GPM6A: variants seen among roughly 807,000 people sequenced by gnomAD.
The protein encoded by GPM6A is neuronal membrane glycoprotein M6-a.
In GPM6A, 7 loss-of-function variants were observed where a neutral mutation model predicts 32.1. The ratio of observed to expected loss-of-function variants is 0.22; its 90% CI spans 0.12 to 0.41. The LOEUF (loss-of-function observed/expected upper bound fraction) is 0.41. Among genes scored for constraint, GPM6A ranks in the 10% least tolerant of loss-of-function variants. GPM6A has a pLI of 1.00. For missense variants in GPM6A, 235 were observed against 347.2 expected (o/e 0.68, Z 2.57); for synonymous variants, 130 against 123.4 (o/e 1.05, Z -0.35).
intron 1 of GPM6A, among the ~76,000 whole-genome samples, chr4:175,804,387 G>A (rs927759139): frequency 6.6e-6 from 1 of 152,098 alleles, no homozygotes; most frequent in African/African-American, 2.4e-5. Context: ...GAACTGAAAT[G>A]GAAGACTACC....
chr4:175,645,674 T>C (rs1266649344), intron 4 of GPM6A, among the ~76,000 whole-genome samples: 1 of 152,086 alleles, frequency 6.6e-6, no homozygotes, highest in Non-Finnish European at 1.5e-5. Context: ...TGAACCGAGA[T>C]GGCGCCACTG....
At chr4:175,760,084 G>A (rs1203290674) in intron 1 of GPM6A, among the ~76,000 whole-genome samples, 2 of 152,122 alleles carry the variant, frequency 1.3e-5, no homozygotes, top group African/African-American at 4.8e-5. Flanking sequence ...GGAGGCTGAG[G>A]CAAGAGAATC....
upstream of GPM6A, chr4:175,812,299 G>GT: frequency 2.5e-6 from 2 of 790,964 alleles, no homozygotes; most frequent in East Asian, 4.3e-5. Context: ...GAAAAACTGG[G>GT]GGTTTTTTTT....
chr4:175,974,246 T>TAA (rs1554006267), intron 1 of GPM6A, among the ~76,000 whole-genome samples: 1 of 152,022 alleles, frequency 6.6e-6, no homozygotes, highest in African/African-American at 2.4e-5. Flanking sequence ...AATAAATAAA[T>TAA]AAATAAAAAT....
intron 1 of GPM6A, among the ~76,000 whole-genome samples, chr4:175,997,491 T>C (rs1214905865): frequency 2.6e-5 from 4 of 151,954 alleles, no homozygotes; most frequent in Non-Finnish European, 5.9e-5. Context: ...AGTTACTGGA[T>C]CAAGAGCTGA....
intron 1 of GPM6A, among the ~76,000 whole-genome samples, chr4:175,884,735 T>C (rs1214786401): frequency 6.6e-6 from 1 of 152,016 alleles, no homozygotes; most frequent in Non-Finnish European, 1.5e-5. Context: ...GGTTTCACCA[T>C]GTTGGTCAGG....
intron 1 of GPM6A, among the ~76,000 whole-genome samples, chr4:175,742,627 A>T (rs1731933324): frequency 6.6e-6 from 1 of 152,148 alleles, no homozygotes; most frequent in Admixed American, 6.6e-5. Flanking sequence ...GGTTTTTCAC[A>T]TTCAGTACAA....
intron 1 of GPM6A, among the ~76,000 whole-genome samples, chr4:175,893,237 A>T (rs1737699718): frequency 6.6e-6 from 1 of 152,182 alleles, no homozygotes. Context: ...GCTTTTATTA[A>T]GAACAACTTT....
intron 1 of GPM6A, among the ~76,000 whole-genome samples, chr4:175,854,951 C>T (rs956266390): frequency 3.9e-5 from 6 of 152,284 alleles, no homozygotes; most frequent in Non-Finnish European, 8.8e-5. Context: ...TAGAACATCT[C>T]ATAATTCTCA....
intron 1 of GPM6A, among the ~76,000 whole-genome samples, chr4:175,873,943 T>A (rs1169902346): frequency 6.6e-6 from 1 of 152,206 alleles, no homozygotes; most frequent in African/African-American, 2.4e-5. Context: ...CTGTAGTAAC[T>A]TATTAATTTA....
intron 1 of GPM6A, among the ~76,000 whole-genome samples, chr4:175,767,058 G>C (rs1374334421): frequency 6.6e-6 from 1 of 152,034 alleles, no homozygotes; most frequent in African/African-American, 2.4e-5. Flanking sequence ...GACATGAAAG[G>C]GTATGCAGTA....
intron 1 of GPM6A, among the ~76,000 whole-genome samples, chr4:175,769,974 C>G (rs577687865): frequency 2.0e-5 from 3 of 152,094 alleles, no homozygotes; most frequent in Non-Finnish European, 4.4e-5. Context: ...TATTTTTGCA[C>G]GTTTGACCTA....
chr4:175,736,789 G>T (rs962031541), intron 1 of GPM6A, among the ~76,000 whole-genome samples: 25 of 152,180 alleles, frequency 1.6e-4, no homozygotes, highest in African/African-American at 5.8e-4. Context: ...GCGTCACCAT[G>T]TTTTGGTCAC....
rs561479755 is a variant in GPM6A at position 175,693,945 on chromosome 4, G to A, written c.230+7630C>T. 5.3e-5 allele frequency among the ~76,000 whole-genome samples: 8 copies of A among 152,116 alleles called. No individual in the cohort carries two copies. The East Asian group carries it at 9.7e-4, about 18-fold the overall frequency. Reference sequence around the variant, plus strand: ...TTGTGAAAGTGAGTGAGTGAGTTACGGTGAGATGTGGTTGTTGAAAGTGTG... The same window carrying A: ...TTGTGAAAGTGAGTGAGTGAGTTACAGTGAGATGTGGTTGTTGAAAGTGTG... On this transcript the variant is annotated intron_variant, in intron 2 of 6. Transcript: ENST00000393658.
intron 1 of GPM6A, among the ~76,000 whole-genome samples, chr4:175,709,248 T>C: frequency 6.6e-6 from 1 of 151,894 alleles, no homozygotes; most frequent in South Asian, 2.1e-4. Context: ...TCTCCTCCTC[T>C]CTCCTCCTTT....
chr4:175,851,664 A>T (rs1207642684), intron 1 of GPM6A, among the ~76,000 whole-genome samples: 1 of 152,130 alleles, frequency 6.6e-6, no homozygotes, highest in Non-Finnish European at 1.5e-5. Flanking sequence ...CTGTCAATCT[A>T]TTTCCCTTCA....
chr4:175,833,637 A>C (rs1452252734), intron 1 of GPM6A, among the ~76,000 whole-genome samples: 1 of 152,146 alleles, frequency 6.6e-6, no homozygotes, highest in Non-Finnish European at 1.5e-5. Flanking sequence ...TTTCCTATTT[A>C]ACTAATATGG....
At chr4:175,936,693 T>C (rs1397344576) in intron 1 of GPM6A, among the ~76,000 whole-genome samples, 2 of 151,492 alleles carry the variant, frequency 1.3e-5, no homozygotes, top group Admixed American at 1.3e-4. Flanking sequence ...TTTTAAAAAT[T>C]GAAGAAAAAA....
intron 1 of GPM6A, among the ~76,000 whole-genome samples, chr4:175,734,155 TA>T (rs1286318286): frequency 0.01 from 1,425 of 136,810 alleles, 12 homozygotes; most frequent in East Asian, 0.044. Context: ...TATATATATA[TA>T]TATATTTTTT....
Sources: allele counts gnomAD v4.1 joint callset (sites outside exome capture counted in the v4.1 genomes callset), GRCh38; gene constraint gnomAD v4.1.1; transcripts MANE v1.5; gene names NCBI Gene and HGNC (gene_info 2026-07-23, HGNC 2026-07-21).